The following NEDD9 variants were observed in gnomAD, a reference collection of about 807,000 sequenced individuals.
NEDD9 encodes neural precursor cell expressed, developmentally down-regulated 9.
NEDD9 carries 26 observed loss-of-function variants against 76.6 expected under a neutral mutation model. The ratio of observed to expected loss-of-function variants is 0.34; its 90% confidence interval spans 0.25 to 0.47. NEDD9 has a LOEUF of 0.47. Ranked by LOEUF, NEDD9 falls within the 20% of genes least tolerant of loss-of-function variation. The pLI is 1.00. For synonymous variants in NEDD9, 392 were observed against 414.2 expected, an observed-to-expected ratio of 0.95 and a Z score of 0.65; for missense variants, 937 against 1,058.5, an observed-to-expected ratio of 0.89 and a Z score of 1.59.
intron 3 of NEDD9, among the ~76,000 whole-genome samples, chr6:11,238,887 C>T (rs1029943645): frequency 1.3e-5 from 2 of 152,246 alleles, no homozygotes; most frequent in African/African-American, 2.4e-5. Context: ...TGGCTGTGTG[C>T]GGTAGCTCAC....
intron 2 of NEDD9, among the ~76,000 whole-genome samples, chr6:11,196,750 G>C (rs1001125126): frequency 1.4e-4 from 21 of 152,052 alleles, no homozygotes; most frequent in African/African-American, 4.8e-4. Flanking sequence ...AATTCACGTT[G>C]GTCCACAAAT....
At chr6:11,336,274 A>G (rs1218396027) in intron 1 of NEDD9, among the ~76,000 whole-genome samples, 1 of 152,224 alleles carries the variant, frequency 6.6e-6, no homozygotes, top group Non-Finnish European at 1.5e-5. Flanking sequence ...GTTCTGAGAA[A>G]TGCATTGTTA....
At chr6:11,350,511 G>C (rs1404425019) in intron 1 of NEDD9, among the ~76,000 whole-genome samples, 1 of 152,210 alleles carries the variant, frequency 6.6e-6, no homozygotes, top group African/African-American at 2.4e-5. Flanking sequence ...AGGCAGACCT[G>C]GGCAACCCCA....
intron 3 of NEDD9, among the ~76,000 whole-genome samples, chr6:11,297,816 G>T (rs533107582): frequency 3.9e-5 from 6 of 152,104 alleles, no homozygotes; most frequent in Admixed American, 6.5e-5. Flanking sequence ...CACAAAGAGG[G>T]TTAATAACTT....
intron 1 of NEDD9, among the ~76,000 whole-genome samples, chr6:11,347,809 A>G (rs144345432): frequency 0.01 from 1,591 of 152,350 alleles, 18 homozygotes; most frequent in South Asian, 0.029. Flanking sequence ...AATAAGAGCC[A>G]TCTGTGACAA....
chr6:11,343,549 C>G (rs1225475781), intron 1 of NEDD9, among the ~76,000 whole-genome samples: 2 of 152,102 alleles, frequency 1.3e-5, no homozygotes, highest in African/African-American at 2.4e-5. Context: ...ATATTTTTGT[C>G]TTGCTTTATA....
At chr6:11,192,542 G>T (rs769176548) in intron 3 of NEDD9, 96 bp from the exon 4 acceptor site, 2 of 820,156 alleles carry the variant, frequency 2.4e-6, no homozygotes, top group Non-Finnish European at 3.9e-6. Context: ...TATTTACCAG[G>T]TTATGTACAA....
At chr6:11,276,704 G>T (rs1760423707) in intron 3 of NEDD9, among the ~76,000 whole-genome samples, 1 of 152,162 alleles carries the variant, frequency 6.6e-6, no homozygotes, top group Non-Finnish European at 1.5e-5. Context: ...GGGCATCTGA[G>T]TACCAGAGGG....
At chr6:11,315,146 A>G (rs141995638) in intron 2 of NEDD9, among the ~76,000 whole-genome samples, 2 of 152,190 alleles carry the variant, frequency 1.3e-5, no homozygotes, top group Non-Finnish European at 2.9e-5. Flanking sequence ...GGTCTGTAGA[A>G]ACTACAGAAT....
intron 3 of NEDD9, among the ~76,000 whole-genome samples, chr6:11,282,706 C>G (rs1760560770): frequency 6.6e-6 from 1 of 152,184 alleles, no homozygotes; most frequent in African/African-American, 2.4e-5. Flanking sequence ...ATATCTGTTT[C>G]TTGCCTCTTT....
At chr6:11,345,741 A>G (rs1461366439) in intron 1 of NEDD9, among the ~76,000 whole-genome samples, 1 of 152,258 alleles carries the variant, frequency 6.6e-6, no homozygotes. Context: ...AGTAGAAAGT[A>G]CATGACACAT....
intron 1 of NEDD9, among the ~76,000 whole-genome samples, chr6:11,337,510 G>A (rs1404609732): frequency 6.6e-6 from 1 of 152,188 alleles, no homozygotes; most frequent in Non-Finnish European, 1.5e-5. Context: ...TGGCTACAAT[G>A]CCACTAGGTG....
intron 2 of NEDD9, among the ~76,000 whole-genome samples, chr6:11,326,430 A>T (rs1761929318): frequency 6.6e-6 from 1 of 152,220 alleles, no homozygotes; most frequent in South Asian, 2.1e-4. Context: ...GTTTGGCCCC[A>T]TGTGGCAGAC....
At chr6:11,293,161 G>T (rs576325729) in intron 3 of NEDD9, among the ~76,000 whole-genome samples, 1 of 150,692 alleles carries the variant, frequency 6.6e-6, no homozygotes, top group African/African-American at 2.4e-5. Flanking sequence ...TGCCTTCTTT[G>T]TGTCAAGCAT....
rs1193575066 is a variant in NEDD9, at chr6:11,363,308, G to T, written c.-214+18831C>A. 3.9e-5 allele frequency among the ~76,000 whole-genome samples: 6 copies of T among 152,190 alleles called. No homozygotes were observed. The East Asian group carries it at 9.6e-4, about 24-fold the overall frequency. ...TTTGCATTGGGAGAAGTAGGTGGGA[G>T]AAATTTCTTTGTCAGATTTTTTTTA... On this transcript the variant is annotated intron_variant, in intron 1 of 3. Coordinates refer to the NEDD9 transcript ENST00000397378.
At chr6:11,223,419 A>G (rs1440956536) in intron 1 of NEDD9, among the ~76,000 whole-genome samples, 1 of 152,196 alleles carries the variant, frequency 6.6e-6, no homozygotes, top group Non-Finnish European at 1.5e-5. Context: ...TTACTGCGCC[A>G]AGATGAGCTC....
rs540668635 is a variant in NEDD9 at position 11,265,382 on chromosome 6, C to T, written c.12+40610G>A. Among the ~76,000 whole-genome samples, 57 of 152,238 alleles carry T rather than the reference C, an allele frequency of 3.7e-4. No homozygotes were observed. The South Asian group carries it at 0.011, about 29-fold the overall frequency. The stretch of plus-strand genomic sequence containing the variant: ...ATGAGTTTTAAATTTTCATTTTTTT[C>T]TGGTTTTCTCGATGACTTGAATATT... On this transcript the variant is annotated intron_variant, in intron 3 of 3. Coordinates refer to the NEDD9 transcript ENST00000397378.
At chr6:11,373,954 G>T (rs557534513) in intron 1 of NEDD9, among the ~76,000 whole-genome samples, 2 of 152,132 alleles carry the variant, frequency 1.3e-5, no homozygotes, top group African/African-American at 2.4e-5. Flanking sequence ...AGCAATGTCA[G>T]TTCTTCCCTG....
rs1762096033 is a variant in NEDD9 at position 11,333,772 on chromosome 6, T to A, written c.-153+729A>T. Among the ~76,000 whole-genome samples the A allele has an allele frequency of 2.0e-5, 3 of 152,386 alleles. No homozygotes were observed. The South Asian group carries it at 6.2e-4, about 32-fold the overall frequency. ...CCTTTGAGGATTTCATTGCAGGCCATTTTATCCACTTTAATGAATGTTCTG... is the reference window on the plus strand; with the variant it reads ...CCTTTGAGGATTTCATTGCAGGCCAATTTATCCACTTTAATGAATGTTCTG... On this transcript the variant is annotated intron_variant, in intron 2 of 3. Transcript: ENST00000397378.
Sources: allele counts gnomAD v4.1 joint callset (sites outside exome capture counted in the v4.1 genomes callset), GRCh38; gene constraint gnomAD v4.1.1; transcripts MANE v1.5; gene names NCBI Gene and HGNC (gene_info 2026-07-23, HGNC 2026-07-21).